The following PDXDC1 variants were observed in gnomAD, a reference collection of about 807,000 sequenced individuals.
PDXDC1 encodes the protein pyridoxal-dependent decarboxylase domain-containing protein 1.
In PDXDC1, 42 loss-of-function variants were observed where a neutral mutation model predicts 100.1. The ratio of observed to expected loss-of-function variants is 0.42; its 90% CI spans 0.33 to 0.54. PDXDC1 has a LOEUF of 0.54. Ranked by LOEUF, PDXDC1 falls within the 20% of genes least tolerant of loss-of-function variation. PDXDC1 has a pLI of 0.10. For synonymous variants in PDXDC1, 260 were observed against 371.7 expected (o/e 0.70, Z 3.46); for missense variants, 636 against 979.2 (o/e 0.65, Z 4.68).
the PDXDC1 span, among the ~76,000 whole-genome samples, chr16:15,149,111 C>T: frequency 2.6e-5 from 4 of 152,300 alleles, no homozygotes; most frequent in East Asian, 7.8e-4. Context: ...CAGGGCTCTT[C>T]CTAGAAGACA....
intron 16 of PDXDC1, among the ~76,000 whole-genome samples, chr16:15,054,488 G>A (rs372800660): frequency 2.0e-5 from 3 of 152,122 alleles, no homozygotes; most frequent in Non-Finnish European, 4.4e-5. Flanking sequence ...ATTTTTCCTT[G>A]GTGAGTCCTA....
chr16:15,094,520 G>C (rs937640553), intron 16 of PDXDC1: 47 of 518,800 alleles, frequency 9.1e-5, no homozygotes, highest in Non-Finnish European at 1.4e-4. Context: ...AAACACCCTG[G>C]ATGTGCTAAG....
chr16:15,003,994 A>C (rs532033766), intron 4 of PDXDC1, among the ~76,000 whole-genome samples, 193 bp from the exon 5 acceptor site: 1 of 152,286 alleles, frequency 6.6e-6, no homozygotes, highest in African/African-American at 2.4e-5. Context: ...CAGAAAAAAA[A>C]ATATATTTTT....
intron 12 of PDXDC1, among the ~76,000 whole-genome samples, chr16:15,022,219 C>T (rs1344415520): frequency 1.3e-5 from 2 of 152,298 alleles, no homozygotes; most frequent in Non-Finnish European, 2.9e-5. Flanking sequence ...GAGATACATA[C>T]TATCCTCCCC....
intron 16 of PDXDC1, among the ~76,000 whole-genome samples, chr16:15,096,078 A>G (rs1477220862): frequency 6.6e-6 from 1 of 151,906 alleles, no homozygotes; most frequent in African/African-American, 2.4e-5. Flanking sequence ...ACCCTATTTC[A>G]CAACATAAAA....
At chr16:15,085,793 A>G in intron 16 of PDXDC1, 2 of 1,516,370 alleles carry the variant, frequency 1.3e-6, no homozygotes. Context: ...ATGAACAGCT[A>G]TAAAAAAAGT....
chr16:15,044,473 T>G lies in PDXDC1; in HGVS notation c.1399+14417T>G. 6 of 1,023,212 alleles carry G rather than the reference T, an allele frequency of 5.9e-6. No homozygotes were observed. The South Asian group carries it at 7.8e-5, about 13-fold the overall frequency. 63.4% of individuals were successfully genotyped at this position (1,023,212 alleles called of 1,614,324 possible). ...ACCGGTGCGTGCGCTGGTCTCACTT[T>G]GAACTTTCATTCTCAGTTTCCATGA... is the stretch of plus-strand genomic sequence containing the variant. On this transcript the variant is annotated intron_variant, in intron 16 of 16. Coordinates refer to the PDXDC1 transcript ENST00000535621.
chr16:15,104,566 C>T (rs1215805620), intron 16 of PDXDC1: 1 of 1,597,740 alleles, frequency 6.3e-7, no homozygotes, highest in Non-Finnish European at 8.5e-7. Context: ...AGATTATCAT[C>T]CGCTGAGGGT....
At chr16:15,127,993 C>T (rs757102365) in intron 16 of PDXDC1, 111 of 1,591,002 alleles carry the variant, frequency 7.0e-5, no homozygotes, top group Admixed American at 4.4e-4. Flanking sequence ...AGGCCTTACT[C>T]GCGGCCAGCA....
At chr16:14,994,652 A>T in intron 1 of PDXDC1, among the ~76,000 whole-genome samples, 1 of 152,410 alleles carries the variant, frequency 6.6e-6, no homozygotes, top group African/African-American at 2.4e-5. Flanking sequence ...TGAACTTTAA[A>T]GTAGTTTTTT....
chr16:15,027,535 G>T (rs1372207086), intron 14 of PDXDC1, among the ~76,000 whole-genome samples: 4 of 152,290 alleles, frequency 2.6e-5, no homozygotes, highest in Admixed American at 2.0e-4. Flanking sequence ...ATCACATGTG[G>T]GCTTGGAGAA....
Position 14,986,539 on chromosome 16 carries a change from C to T in PDXDC1, c.22-11214C>T, listed in dbSNP as rs564767576. ...TCTTCTTAGGAAAGGAGAATTAAATCATACCTATCATGCAACTGTGTTAGA... is the reference window on the plus strand; with the variant it reads ...TCTTCTTAGGAAAGGAGAATTAAATTATACCTATCATGCAACTGTGTTAGA... On this transcript the variant is annotated intron_variant, in intron 1 of 22. Transcript: ENST00000396410. Among the ~76,000 whole-genome samples the T allele has an allele frequency of 2.6e-5, 4 of 152,406 alleles. No homozygotes were observed. The East Asian group carries it at 7.7e-4, about 29-fold the overall frequency.
At chr16:15,136,290 A>T (rs2048344096) in intron 16 of PDXDC1, among the ~76,000 whole-genome samples, 1 of 152,144 alleles carries the variant, frequency 6.6e-6, no homozygotes, top group African/African-American at 2.4e-5. Flanking sequence ...GGCTCACAGC[A>T]GCACCCACCC....
intron 16 of PDXDC1, among the ~76,000 whole-genome samples, chr16:15,076,962 G>C (rs2151792092): frequency 6.7e-6 from 1 of 148,608 alleles, no homozygotes; most frequent in African/African-American, 2.5e-5. Flanking sequence ...GTCTGGCTCT[G>C]TGTCCCCACC....
chr16:15,148,873 C>A, the PDXDC1 span, among the ~76,000 whole-genome samples: 3 of 152,174 alleles, frequency 2.0e-5, no homozygotes, highest in Non-Finnish European at 4.4e-5. Context: ...TTCCCCCACC[C>A]CTGCCGGCAA....
chr16:15,103,467 T>TA (rs2046638891), intron 16 of PDXDC1: 1 of 623,970 alleles, frequency 1.6e-6, no homozygotes, highest in African/African-American at 1.8e-5. Context: ...CAAGTCTCTA[T>TA]AGACCACCCC....
At chr16:15,140,487 G>C (rs1341356648), downstream of PDXDC1, among the ~76,000 whole-genome samples, 1 of 150,602 alleles carries the variant, frequency 6.6e-6, no homozygotes, top group African/African-American at 2.4e-5. Flanking sequence ...CGGAGGGCGA[G>C]AGGGAGGGAG....
intron 1 of PDXDC1, among the ~76,000 whole-genome samples, chr16:14,985,181 A>C (rs1432180288): frequency 1.3e-5 from 2 of 151,668 alleles, no homozygotes; most frequent in African/African-American, 2.4e-5. Context: ...AAGATGAAAA[A>C]ATTTTTAAAG....
chr16:15,047,662 G>A, intron 16 of PDXDC1: 1 of 953,736 alleles, frequency 1.0e-6, no homozygotes, highest in East Asian at 2.4e-5. Flanking sequence ...TCCTGTAGGG[G>A]AAAAACGGAC....
Sources: allele counts gnomAD v4.1 joint callset (sites outside exome capture counted in the v4.1 genomes callset), GRCh38; gene constraint gnomAD v4.1.1; transcripts MANE v1.5; gene names NCBI Gene and HGNC (gene_info 2026-07-23, HGNC 2026-07-21).